MRTFA: variants seen among roughly 807,000 people sequenced by gnomAD.
The protein encoded by MRTFA is myocardin related transcription factor A, also known as myocardin-related transcription factor A.
In MRTFA, 20 loss-of-function variants were observed where a neutral mutation model predicts 83.5. The observed-to-expected ratio is 0.24, with a 90% CI of 0.17 to 0.35. The LOEUF is 0.35. MRTFA is among the 10% of genes least tolerant of loss of function. The pLI, the probability that MRTFA is intolerant of heterozygous loss-of-function variation, is 1.00. For synonymous variants in MRTFA, 659 were observed against 541.2 expected (o/e 1.22, Z -3.02); for missense variants, 1,200 against 1,224.7 (o/e 0.98, Z 0.30).
At chr22:40,563,860 G>T (rs2055665043) in intron 2 of MRTFA, among the ~76,000 whole-genome samples, 1 of 152,206 alleles carries the variant, frequency 6.6e-6, no homozygotes, top group Non-Finnish European at 1.5e-5. Flanking sequence ...CATGGTTCAA[G>T]TACAAGCAAA....
intron 3 of MRTFA, among the ~76,000 whole-genome samples, chr22:40,496,302 T>C (rs1407313144): frequency 6.6e-6 from 1 of 151,176 alleles, no homozygotes; most frequent in Admixed American, 6.6e-5. Context: ...AAGCACTCAG[T>C]AAATTTGAGC....
At chr22:40,495,739 T>C (rs981743090) in intron 3 of MRTFA, among the ~76,000 whole-genome samples, 17 of 109,440 alleles carry the variant, frequency 1.6e-4, no homozygotes, top group Admixed American at 1.3e-3. Flanking sequence ...AGCCTGGCAA[T>C]AGAGCGAGAC....
intron 3 of MRTFA, among the ~76,000 whole-genome samples, chr22:40,484,820 C>T: frequency 6.6e-6 from 1 of 151,810 alleles, no homozygotes; most frequent in East Asian, 1.9e-4. Context: ...CACCTGTAAT[C>T]CCAGCACTTT....
At chr22:40,447,354 A>G (rs554105805) in intron 4 of MRTFA, among the ~76,000 whole-genome samples, 7 of 152,036 alleles carry the variant, frequency 4.6e-5, no homozygotes, top group East Asian at 1.9e-4. Flanking sequence ...GTTTCAAAAA[A>G]AAAAAAGAAA....
intron 1 of MRTFA, among the ~76,000 whole-genome samples, chr22:40,600,790 C>G (rs932332809): frequency 6.6e-6 from 1 of 152,120 alleles, no homozygotes; most frequent in Non-Finnish European, 1.5e-5. Flanking sequence ...CCAGCCTGGC[C>G]AACGTAGTGA....
At chr22:40,512,038 C>T (rs1413651426) in intron 3 of MRTFA, among the ~76,000 whole-genome samples, 1 of 152,102 alleles carries the variant, frequency 6.6e-6, no homozygotes. Context: ...TGAGATGAGG[C>T]CTAGAATGGG....
At chr22:40,417,187 A>G (rs547838557) in intron 13 of MRTFA, 141 bp from the exon 14 acceptor site, 1 of 1,359,270 alleles carries the variant, frequency 7.4e-7, no homozygotes, top group African/African-American at 1.5e-5. Context: ...GGACTCCTGG[A>G]GCCCGTCCCC....
At chr22:40,470,249 A>T (rs1424311194) in intron 3 of MRTFA, among the ~76,000 whole-genome samples, 1 of 49,722 alleles carries the variant, frequency 2.0e-5, no homozygotes, top group Non-Finnish European at 4.6e-5. Context: ...ATATATATAT[A>T]TATATATATA....
intron 7 of MRTFA, among the ~76,000 whole-genome samples, chr22:40,424,773 G>T (rs572451348): frequency 2.6e-4 from 39 of 152,278 alleles, no homozygotes; most frequent in African/African-American, 8.7e-4. Flanking sequence ...AAGGTACTCT[G>T]TATCTTCATC....
At chr22:40,430,577 A>G (rs2053047407) in intron 6 of MRTFA, among the ~76,000 whole-genome samples, 1 of 150,568 alleles carries the variant, frequency 6.6e-6, no homozygotes, top group African/African-American at 2.4e-5. Context: ...GTGGAAAGAC[A>G]GCTATGCGCA....
rs138726474 is a variant in MRTFA, at chr22:40,620,343, C to T, written c.-84+16135G>A. Among the ~76,000 whole-genome samples, 773 of 151,290 alleles carry T rather than the reference C, an allele frequency of 5.1e-3. 4 individuals carry two copies. The highest frequency in any genetic ancestry group is 8.2e-3 in the Non-Finnish European group (553 of 67,832). On this transcript the variant is annotated intron_variant, in intron 1 of 14. Transcript: ENST00000355630. The stretch of plus-strand genomic sequence containing the variant: ...TTCTCTATGTTGGTCAGGCTGGTCT[C>T]GAACTCCCGACCTCAGGTGATACAC...
chr22:40,447,679 TG>T (rs1053511947), intron 4 of MRTFA, among the ~76,000 whole-genome samples: 3 of 152,156 alleles, frequency 2.0e-5, no homozygotes, highest in African/African-American at 7.2e-5. Flanking sequence ...TTGCTGAAAA[TG>T]GTCTCCTTGT....
chr22:40,529,165 T>C (rs2055031667), intron 3 of MRTFA, among the ~76,000 whole-genome samples: 1 of 152,176 alleles, frequency 6.6e-6, no homozygotes, highest in Non-Finnish European at 1.5e-5. Flanking sequence ...CTCATTTTTA[T>C]TAATTGCCAC....
chr22:40,431,055 T>G (rs1350425837), intron 6 of MRTFA, among the ~76,000 whole-genome samples: 1 of 152,026 alleles, frequency 6.6e-6, no homozygotes, highest in Non-Finnish European at 1.5e-5. Context: ...AAAAACAGAT[T>G]TTAGATCAGG....
At chr22:40,452,072 C>T (rs975749107) in intron 4 of MRTFA, among the ~76,000 whole-genome samples, 5 of 146,440 alleles carry the variant, frequency 3.4e-5, no homozygotes, top group Non-Finnish European at 6.0e-5. Context: ...CCACCTCTGC[C>T]TCCCAGGTTC....
At chr22:40,447,908 G>T (rs1036601948) in intron 4 of MRTFA, among the ~76,000 whole-genome samples, 2 of 152,142 alleles carry the variant, frequency 1.3e-5, no homozygotes, top group Non-Finnish European at 2.9e-5. Flanking sequence ...TATAGAAAAC[G>T]AAGTGTGTGA....
chr22:40,618,026 A>G (rs2147427277), intron 1 of MRTFA, among the ~76,000 whole-genome samples: 1 of 151,960 alleles, frequency 6.6e-6, no homozygotes, highest in African/African-American at 2.4e-5. Context: ...AGAAAAGTGA[A>G]GCAGGATAAG....
chr22:40,490,696 T>C (rs868539240), intron 3 of MRTFA, among the ~76,000 whole-genome samples: 19 of 152,248 alleles, frequency 1.2e-4, no homozygotes, highest in Middle Eastern at 3.4e-3. Flanking sequence ...TGTCCATTCA[T>C]TGCTGACTCC....
chr22:40,598,202 G>T (rs1330245703), intron 1 of MRTFA, among the ~76,000 whole-genome samples: 1 of 111,324 alleles, frequency 9.0e-6, no homozygotes, highest in Non-Finnish European at 1.8e-5. Flanking sequence ...TCCCTCCCCC[G>T]CCCCTCCCCA....
Sources: gnomAD v4.1 joint callset for allele counts (sites outside exome capture counted in the v4.1 genomes callset) on GRCh38, gnomAD v4.1.1 for gene constraint, MANE v1.5 for transcripts, NCBI Gene and HGNC (gene_info 2026-07-23, HGNC 2026-07-21) for gene names.